PRDM7: variants seen among roughly 807,000 people sequenced by gnomAD.
PRDM7 encodes the protein histone-lysine N-methyltransferase PRDM7.
A neutral mutation model predicts 64.3 loss-of-function variants in PRDM7; 52 were observed. That is an observed-to-expected ratio of 0.81 (90% CI 0.65 to 1.02). PRDM7 has a LOEUF of 1.02. Ranked by LOEUF, PRDM7 falls within the 50% of genes least tolerant of loss-of-function variation. The pLI, the probability that PRDM7 is intolerant of heterozygous loss-of-function variation, is 0.00. For synonymous variants in PRDM7, 192 were observed against 210.1 expected (o/e 0.91, Z 0.74); for missense variants, 574 against 597.1 (o/e 0.96, Z 0.40).
At position 90,058,087 on chromosome 16, in the gene PRDM7, T is replaced by C; in HGVS notation, c.*202A>G. On this transcript the variant is annotated 3_prime_UTR_variant, in exon 11 of 11. Transcript: ENST00000449207. Reference sequence around the variant, plus strand: ...AACATCTGACTTATCACTGAAACCTTGCCCACACTCTCCATATTTGACTTT... The same window carrying C: ...AACATCTGACTTATCACTGAAACCTCGCCCACACTCTCCATATTTGACTTT... The C allele has an allele frequency of 6.2e-7, 1 of 1,613,818 alleles. No homozygotes were observed. The highest frequency in any genetic ancestry group is 1.7e-5 in the Admixed American group (1 of 60,010).
In PRDM7 at chr16:90,075,259, C is replaced by T; in HGVS notation, c.193+92G>A. The T allele has an allele frequency of 6.9e-6, 11 of 1,596,836 alleles. No individual in the cohort carries two copies. Among genetic ancestry groups the T allele is most frequent in the Non-Finnish European group, 9.4e-6 (11 of 1,166,644 alleles). On this transcript the variant is annotated intron_variant, in intron 3 of 10. Transcript: ENST00000449207. The surrounding 1 kb of genome is among the most constrained non-coding windows in gnomAD (Gnocchi z 4.3). ...TCTCCGTGCAAAAGGGAATTGTGGG[C>T]AGATGCCGCCACCTGATAATTAAAA...
Position 90,070,659 on chromosome 16 carries a change from C to A in PRDM7, c.302-3749G>T, listed in dbSNP as rs191690104. The stretch of plus-strand genomic sequence containing the variant: ...TTTCTTCTCCTTCCTGCTGTTGGCA[C>A]ACAAATAATTCATGTAAATACACAG... On this transcript the variant is annotated intron_variant, in intron 4 of 10. Coordinates refer to ENST00000449207, the MANE Select transcript of PRDM7 (RefSeq NM_001098173.2). Among the ~76,000 whole-genome samples the A allele has an allele frequency of 3.3e-4, 48 of 144,634 alleles. 2 individuals carry two copies. The highest frequency in any genetic ancestry group is 1.3e-3 in the African/African-American group (48 of 35,966). The allele number at this position is 144,634 out of a possible 152,430, so 94.9% of individuals were successfully genotyped here. A position where few individuals can be genotyped will look rare whatever the true frequency, so the allele number is the denominator to read the frequency against.
At position 90,057,272 on chromosome 16, in the gene PRDM7, C is replaced by A. The variant is rs2037700694; in HGVS notation, c.*1017G>T. 1 of 154,360 alleles carries A rather than the reference C, an allele frequency of 6.5e-6. No homozygotes were observed. The highest frequency in any genetic ancestry group is 6.3e-5 in the Admixed American group (1 of 15,754). The allele number at this position is 154,360 out of a possible 1,614,324, so 9.6% of individuals were successfully genotyped here. A position where few individuals can be genotyped will look rare whatever the true frequency, so the allele number is the denominator to read the frequency against. ...AGTATGGCAGCAGAGGAGAGGGGTCCATTAGAAGAGGTCACACTTCCCAGG... is the reference window on the plus strand; with the variant it reads ...AGTATGGCAGCAGAGGAGAGGGGTCAATTAGAAGAGGTCACACTTCCCAGG... On this transcript the variant is annotated 3_prime_UTR_variant, in exon 11 of 11. Coordinates refer to ENST00000449207, the MANE Select transcript of PRDM7 (RefSeq NM_001098173.2).
intron 4 of PRDM7, 87 bp from the exon 5 acceptor site, chr16:90,066,997 C>G: frequency 2.6e-6 from 3 of 1,160,934 alleles, no homozygotes; most frequent in South Asian, 2.4e-5. Flanking sequence ...TGGAGTCTCC[C>G]TCTGTCGCCC....
chr16:90,075,228 G>A lies in PRDM7; in HGVS notation c.193+123C>T. The A allele has an allele frequency of 6.5e-7, 1 of 1,548,780 alleles. No homozygotes were observed. The highest frequency in any genetic ancestry group is 8.9e-7 in the Non-Finnish European group (1 of 1,126,454). On this transcript the variant is annotated intron_variant, in intron 3 of 10. Transcript: ENST00000449207. This position sits in a 1 kb window ranked among gnomAD's most constrained non-coding sequence, Gnocchi z 4.3. The stretch of plus-strand genomic sequence containing the variant: ...CGCAAAAGAACAATATTTCCCTCCA[G>A]ATTTGTCTCCGTGCAAAAGGGAATT...
At chr16:90,061,425 T>A (rs2037774542) in intron 9 of PRDM7, 27 bp downstream of exon 9, 1 of 1,556,734 alleles carries the variant, frequency 6.4e-7, no homozygotes. Flanking sequence ...AGGTTCTCTC[T>A]GAAACTAAGA....
chr16:90,057,611 T>C lies in PRDM7; in HGVS notation c.*678A>G, dbSNP rs1460951060. On this transcript the variant is annotated 3_prime_UTR_variant, in exon 11 of 11. Coordinates refer to ENST00000449207, the MANE Select transcript of PRDM7 (RefSeq NM_001098173.2). ...TCAGTGCGGGAAACAACCACACATG[T>C]TGACGTCCCCCGAACACTTACAGAA... 2.4e-6 allele frequency: 2 copies of C among 844,754 alleles called. No individual in the cohort carries two copies. The highest frequency in any genetic ancestry group is 7.7e-5 in the Admixed American group (2 of 26,106). 52.3% of individuals were successfully genotyped at this position (844,754 alleles called of 1,614,324 possible). A position where few individuals can be genotyped will look rare whatever the true frequency, so the allele number is the denominator to read the frequency against.
chr16:90,066,370 A>G (rs1024129972), intron 5 of PRDM7, among the ~76,000 whole-genome samples: 4 of 151,284 alleles, frequency 2.6e-5, no homozygotes, highest in Non-Finnish European at 5.9e-5. Flanking sequence ...CTGAGGTTGA[A>G]AAATCAATTG....
In PRDM7 at chr16:90,058,300, G is replaced by C. The variant is rs2037713582; in HGVS notation, c.1468C>G (p.Pro490Ala). The change falls in exon 11 of 11, where the codon CCA becomes GCA. Residue 490 changes from proline (P) to alanine (A), a missense_variant. Transcript: ENST00000449207. Reference sequence around the variant, plus strand: ...CCATGTCCTTTTATTCAAGAGTTTGGACCTTTCTTTGATCTCTTGACCTTT... The same window carrying C: ...CCATGTCCTTTTATTCAAGAGTTTGCACCTTTCTTTGATCTCTTGACCTTT... ...KPKVKRSKKG[P>A]NS 6.2e-7 allele frequency: 1 copy of C among 1,614,184 alleles called. No individual in the cohort carries two copies.
intron 9 of PRDM7, 82 bp from the exon 10 acceptor site, chr16:90,060,705 G>A (rs2037761372): frequency 7.6e-6 from 12 of 1,572,078 alleles, no homozygotes. Context: ...ATCCTGCCTA[G>A]AATGCTTCCC....
chr16:90,076,458 G>A (rs2038037663), intron 1 of PRDM7, among the ~76,000 whole-genome samples: 1 of 152,170 alleles, frequency 6.6e-6, no homozygotes, highest in African/African-American at 2.4e-5. Flanking sequence ...AAAAATCCAG[G>A]AGTAAAGCAG....
At position 90,060,755 on chromosome 16, in the gene PRDM7, A is replaced by G; in HGVS notation, c.951-132T>C. 15 of 1,269,432 alleles carry G rather than the reference A, an allele frequency of 1.2e-5. 1 individual carries two copies. Among genetic ancestry groups the G allele is most frequent in the South Asian group, 8.6e-5 (7 of 81,598 alleles). The allele number at this position is 1,269,432 out of a possible 1,614,324, so 78.6% of individuals were successfully genotyped here. A position where few individuals can be genotyped will look rare whatever the true frequency, so the allele number is the denominator to read the frequency against. On this transcript the variant is annotated intron_variant, in intron 9 of 10. Coordinates refer to ENST00000449207, the MANE Select transcript of PRDM7 (RefSeq NM_001098173.2). The stretch of plus-strand genomic sequence containing the variant: ...AGCCATTTTTTCAAAGCCCAACTCC[A>G]GACTTACCTCCACCTTGATTGGCCA...
chr16:90,064,402 G>GGTTTT (rs1555656507), intron 5 of PRDM7, among the ~76,000 whole-genome samples: 2 of 98,608 alleles, frequency 2.0e-5, no homozygotes, highest in Non-Finnish European at 4.0e-5. Context: ...GGCATACATG[G>GGTTTT]TTTTGTTTTG....
In PRDM7 at chr16:90,075,604, C is replaced by A; in HGVS notation, c.70-130G>T. 6.7e-7 allele frequency: 1 copy of A among 1,494,764 alleles called. No homozygotes were observed. The allele number at this position is 1,494,764 out of a possible 1,614,324, so 92.6% of individuals were successfully genotyped here. ...CTGTGAAACATAAAGACCTTCCCTC[C>A]TTCTCCAGATTGTGTCCTGTTTAAC... On this transcript the variant is annotated intron_variant, in intron 2 of 10. Transcript: ENST00000449207. The surrounding 1 kb of genome is among the most constrained non-coding windows in gnomAD (Gnocchi z 4.3).
intron 4 of PRDM7, among the ~76,000 whole-genome samples, chr16:90,073,796 C>T (rs76897509): frequency 6.6e-6 from 1 of 151,696 alleles, no homozygotes; most frequent in Non-Finnish European, 1.5e-5. Flanking sequence ...TTTTTTCCCC[C>T]CGAGACGGAG....
At chr16:90,060,792 G>C (rs1476612752) in intron 9 of PRDM7, among the ~76,000 whole-genome samples, 169 bp from the exon 10 acceptor site, 1 of 152,150 alleles carries the variant, frequency 6.6e-6, no homozygotes, top group African/African-American at 2.4e-5. Flanking sequence ...AAAACACATT[G>C]ACCTCTAGCT....
rs1567873345 is a variant in PRDM7 at position 90,057,741 on chromosome 16, C to CT, written c.*547dup. 5 of 1,267,884 alleles carry CT rather than the reference C, an allele frequency of 3.9e-6. No individual in the cohort carries two copies. The highest frequency in any genetic ancestry group is 5.1e-6 in the Non-Finnish European group (5 of 977,858). The allele number at this position is 1,267,884 out of a possible 1,614,324, so 78.5% of individuals were successfully genotyped here. A position where few individuals can be genotyped will look rare whatever the true frequency, so the allele number is the denominator to read the frequency against. On this transcript the variant is annotated 3_prime_UTR_variant, in exon 11 of 11. Transcript: ENST00000449207. ...TCGGGGAATGTAAGGGGTTAGCAGA[C>CT]TTTCGCTGAAGCCACCTCAGAGCTG...
chr16:90,074,498 C>A (rs1178356614), intron 4 of PRDM7, among the ~76,000 whole-genome samples: 1 of 151,906 alleles, frequency 6.6e-6, no homozygotes, highest in Non-Finnish European at 1.5e-5. Context: ...AATTGTTGAA[C>A]CTGGGAGGTG....
chr16:90,069,334 C>T (rs2037924244), intron 4 of PRDM7, among the ~76,000 whole-genome samples: 1 of 151,200 alleles, frequency 6.6e-6, no homozygotes, highest in African/African-American at 2.5e-5. Flanking sequence ...ACTCTTACCA[C>T]ATATCTCATA....
Sources: gnomAD v4.1 joint callset for allele counts (sites outside exome capture counted in the v4.1 genomes callset) on GRCh38, gnomAD v4.1.1 for gene constraint, Gnocchi (gnomAD v3.1) non-coding constraint, MANE v1.5 for transcripts, NCBI Gene and HGNC (gene_info 2026-07-23, HGNC 2026-07-21) for gene names.